SLC5A1: variants seen among roughly 807,000 people sequenced by gnomAD.
SLC5A1 encodes the protein sodium/glucose cotransporter 1.
Under a neutral mutation model 73.5 loss-of-function variants are expected in SLC5A1, and 42 were observed. The observed-to-expected ratio is 0.57, with a 90% CI of 0.45 to 0.74. The LOEUF is 0.74. Among genes scored for constraint, SLC5A1 ranks in the 30% least tolerant of loss-of-function variants. The pLI is 0.00. For synonymous variants in SLC5A1, 300 were observed against 317.4 expected, an observed-to-expected ratio of 0.95 and a Z score of 0.58; for missense variants, 634 against 855.4, an observed-to-expected ratio of 0.74 and a Z score of 3.23.
intron 2 of SLC5A1, among the ~76,000 whole-genome samples, chr22:32,052,871 AGT>A (rs2093946879): frequency 6.6e-6 from 1 of 152,150 alleles, no homozygotes; most frequent in Non-Finnish European, 1.5e-5. Flanking sequence ...CTGAGACCTG[AGT>A]CTATATTCTG....
At chr22:32,063,247 C>T (rs2093966532) in intron 2 of SLC5A1, among the ~76,000 whole-genome samples, 1 of 152,164 alleles carries the variant, frequency 6.6e-6, no homozygotes, top group Non-Finnish European at 1.5e-5. Flanking sequence ...CTGTCTATAA[C>T]AGTATCCATT....
At chr22:32,078,903 C>T (rs570764757) in intron 5 of SLC5A1, among the ~76,000 whole-genome samples, 29 of 136,998 alleles carry the variant, frequency 2.1e-4, no homozygotes, top group African/African-American at 8.1e-4. Context: ...TGCAGTGAGC[C>T]GAGATTGTGC....
chr22:32,085,528 GTCGA>G (rs1435343327), intron 9 of SLC5A1, among the ~76,000 whole-genome samples: 1 of 140,692 alleles, frequency 7.1e-6, no homozygotes, highest in African/African-American at 2.6e-5. Flanking sequence ...GGTTTCTTAT[GTCGA>G]CAATTGTTTC....
intron 4 of SLC5A1, 84 bp downstream of exon 4, chr22:32,068,110 T>C: frequency 1.5e-6 from 2 of 1,321,554 alleles, no homozygotes; most frequent in Non-Finnish European, 1.1e-6. Context: ...GGAGACATTA[T>C]GGGATAAATG....
Position 32,104,783 on chromosome 22 carries a change from CA to C in SLC5A1, c.1666-2del, listed in dbSNP as rs764819816. 21 of 1,612,906 alleles carry C rather than the reference CA, an allele frequency of 1.3e-5. No homozygotes were observed. Among genetic ancestry groups the C allele is most frequent in the Non-Finnish European group, 1.7e-5 (20 of 1,179,090 alleles). ...CTGTTGACCTGTTCTGCCTTCTCTG[CA>C]GCTCTACCGTCTGTGTTGGAGCCTG... is the stretch of plus-strand genomic sequence containing the variant. On this transcript the variant is annotated splice_acceptor_variant, in intron 13 of 14. Coordinates refer to ENST00000266088, the MANE Select transcript of SLC5A1 (RefSeq NM_000343.4). LOFTEE classifies it high-confidence loss of function.
At chr22:32,075,069 ACT>A (rs2093988696) in intron 5 of SLC5A1, among the ~76,000 whole-genome samples, 1 of 77,188 alleles carries the variant, frequency 1.3e-5, no homozygotes, top group Non-Finnish European at 2.8e-5. Flanking sequence ...GCTATTTTTT[ACT>A]TTTTTTTTTT....
chr22:32,099,598 AT>A (rs1282912206), intron 12 of SLC5A1, among the ~76,000 whole-genome samples: 1 of 151,238 alleles, frequency 6.6e-6, no homozygotes, highest in African/African-American at 2.4e-5. Context: ...TTTCTTAAAA[AT>A]TTTTTTTAAT....
In SLC5A1 at chr22:32,050,013, C is replaced by T. The variant is rs199683554; in HGVS notation, c.206C>T (p.Pro69Leu). Residue 69 changes from proline (P) to leucine (L), a missense_variant and splice_region_variant, in exon 2 of 15, where the codon CCG becomes CTG. By Grantham distance (98) the Pro-to-Leu change is moderately conservative. Transcript: ENST00000266088. Reference sequence around the variant, plus strand: ...GCAGGCCGAAGTATGGTGTGGTGGCCGGTAAGTTTTCTCTGAAATGCTATT... The same window carrying T: ...GCAGGCCGAAGTATGGTGTGGTGGCTGGTAAGTTTTCTCTGAAATGCTATT... Reference protein sequence around the residue: ...FLAGRSMVWWPIGASLFASNI... With the variant: ...FLAGRSMVWWLIGASLFASNI... The T allele has an allele frequency of 1.5e-5, 25 of 1,613,154 alleles. No homozygotes were observed. Among genetic ancestry groups the T allele is most frequent in the Non-Finnish European group, 2.0e-5 (23 of 1,179,260 alleles).
chr22:32,084,678 C>G lies in SLC5A1; in HGVS notation c.885+19C>G, dbSNP rs200815762. 24 of 1,601,098 alleles carry G rather than the reference C, an allele frequency of 1.5e-5. No homozygotes were observed. The highest frequency in any genetic ancestry group is 2.1e-5 in the Non-Finnish European group (24 of 1,168,742). On this transcript the variant is annotated intron_variant, in intron 8 of 14. Transcript: ENST00000266088. Reference sequence around the variant, plus strand: ...AGATCAGGTACCCAAGCTGGATGTGCGGGATGGACAGAGTCTTCTCCAGGG... The same window carrying G: ...AGATCAGGTACCCAAGCTGGATGTGGGGGATGGACAGAGTCTTCTCCAGGG...
At position 32,072,882 on chromosome 22, in the gene SLC5A1, A is replaced by G. The variant is rs147881717; in HGVS notation, c.477+4282A>G. Among the ~76,000 whole-genome samples, 616 of 152,186 alleles carry G rather than the reference A, an allele frequency of 4.0e-3. 5 individuals are homozygous for G. The highest frequency in any genetic ancestry group is 0.016 in the Admixed American group (241 of 15,290). ...TGAATAAACATTTTTTTATTGGGTT[A>G]TGTGTCTATTTCTTGATCAGTTGTA... is the stretch of plus-strand genomic sequence containing the variant. On this transcript the variant is annotated intron_variant, in intron 5 of 14. Transcript: ENST00000266088.
At chr22:32,065,790 C>T (rs2093971919) in intron 2 of SLC5A1, among the ~76,000 whole-genome samples, 1 of 152,222 alleles carries the variant, frequency 6.6e-6, no homozygotes. Flanking sequence ...ATATTTGGCA[C>T]TAAGCACCAG....
intron 2 of SLC5A1, among the ~76,000 whole-genome samples, chr22:32,065,207 A>C (rs116019738): frequency 6.6e-6 from 1 of 152,088 alleles, no homozygotes; most frequent in Non-Finnish European, 1.5e-5. Flanking sequence ...TCAGCCTCCT[A>C]AAGTACTGGG....
At chr22:32,059,276 T>C (rs1361994397) in intron 2 of SLC5A1, 1 of 985,334 alleles carries the variant, frequency 1.0e-6, no homozygotes, top group Admixed American at 6.2e-5. Context: ...GGCAGCAGAC[T>C]TGTGTGGAAG....
rs2094060165 is a variant in SLC5A1 at position 32,112,996 on chromosome 22, T to A, written c.*2783T>A. The A allele has an allele frequency of 6.6e-6, 1 of 152,164 alleles. No homozygotes were observed. The highest frequency in any genetic ancestry group is 1.5e-5 in the Non-Finnish European group (1 of 68,026). 9.4% of individuals were successfully genotyped at this position (152,164 alleles called of 1,614,324 possible). On this transcript the variant is annotated 3_prime_UTR_variant, in exon 15 of 15. Transcript: ENST00000266088. ...CATGAGTATATATAATTATTATTTG[T>A]GAATTTAAAAAATAAAAATAATTTC...
At position 32,084,556 on chromosome 22, in the gene SLC5A1, A is replaced by G. The variant is rs1456493102; in HGVS notation, c.782A>G (p.Asp261Gly). Residue 261 changes from aspartate to glycine, a missense_variant, in exon 8 of 15, where the codon GAC becomes GGC. Asp to Gly is a moderately conservative substitution (Grantham distance 94). Transcript: ENST00000266088. Reference sequence around the variant, plus strand: ...GAAAAATGCTACACTCCAAGGGCCGACTCCTTCCACATCTTCCGAGATCCC... The same window carrying G: ...GAAAAATGCTACACTCCAAGGGCCGGCTCCTTCCACATCTTCCGAGATCCC... ...FQEKCYTPRA[D>G]SFHIFRDPLT... 6.2e-7 allele frequency: 1 copy of G among 1,613,762 alleles called. No individual in the cohort carries two copies. Among genetic ancestry groups the G allele is most frequent in the Non-Finnish European group, 8.5e-7 (1 of 1,179,932 alleles).
chr22:32,092,835 G>C (rs1347380994), intron 11 of SLC5A1, among the ~76,000 whole-genome samples: 1 of 152,058 alleles, frequency 6.6e-6, no homozygotes, highest in Non-Finnish European at 1.5e-5. Flanking sequence ...CTTTGTTTTT[G>C]TTGCATTTGC....
intron 5 of SLC5A1, among the ~76,000 whole-genome samples, chr22:32,080,935 A>G (rs2093998820): frequency 6.6e-6 from 1 of 152,180 alleles, no homozygotes; most frequent in Admixed American, 6.5e-5. Flanking sequence ...CAGAGGTTGC[A>G]GTGAGTTGAG....
intron 9 of SLC5A1, among the ~76,000 whole-genome samples, chr22:32,085,546 CTTTTTTTTT>C (rs35772243): frequency 2.5e-5 from 3 of 119,142 alleles, no homozygotes; most frequent in African/African-American, 9.3e-5. Flanking sequence ...TTGTTTCCTC[CTTTTTTTTT>C]TTTTTTTTTT....
chr22:32,081,645 AT>A (rs1186898601), intron 5 of SLC5A1, among the ~76,000 whole-genome samples: 2 of 152,272 alleles, frequency 1.3e-5, no homozygotes, highest in Non-Finnish European at 2.9e-5. Flanking sequence ...ATGACTGTAC[AT>A]GGCATATATT....
Sources: allele counts gnomAD v4.1 joint callset (sites outside exome capture counted in the v4.1 genomes callset), GRCh38; gene constraint gnomAD v4.1.1; transcripts MANE v1.5; gene names NCBI Gene and HGNC (gene_info 2026-07-23, HGNC 2026-07-21).